Variants in ST6GALNAC3 observed in about 807,000 individuals in gnomAD.
ST6GALNAC3 encodes the protein alpha-N-acetylgalactosaminide alpha-2,6-sialyltransferase 3.
A neutral mutation model predicts 32.7 loss-of-function variants in ST6GALNAC3; 25 were observed. The observed-to-expected ratio is 0.76, with a 90% CI of 0.56 to 1.07. The LOEUF (loss-of-function observed/expected upper bound fraction) is 1.07. Ranked by LOEUF, ST6GALNAC3 falls within the 50% of genes least tolerant of loss-of-function variation. The pLI is 0.00. For synonymous variants in ST6GALNAC3, 129 were observed against 133.1 expected (o/e 0.97, Z 0.21); for missense variants, 355 against 382.4 (o/e 0.93, Z 0.60).
chr1:76,602,338 C>T (rs563376041), intron 3 of ST6GALNAC3, among the ~76,000 whole-genome samples: 1 of 151,874 alleles, frequency 6.6e-6, no homozygotes, highest in South Asian at 2.1e-4. Flanking sequence ...TGTGCGTGTG[C>T]ATGTGCGTGT....
chr1:76,143,175 AG>A (rs1178085440), intron 1 of ST6GALNAC3, among the ~76,000 whole-genome samples: 1 of 152,158 alleles, frequency 6.6e-6, no homozygotes, highest in Admixed American at 6.5e-5. Context: ...TTGGCAGTAA[AG>A]GGTTTAAAAC....
chr1:76,501,849 A>G (rs753864200), intron 3 of ST6GALNAC3, among the ~76,000 whole-genome samples: 14 of 152,238 alleles, frequency 9.2e-5, no homozygotes, highest in Non-Finnish European at 1.5e-4. Flanking sequence ...TCTTAAGACA[A>G]GCAGTCTGGA....
chr1:76,209,589 T>G (rs1176422225), intron 1 of ST6GALNAC3, among the ~76,000 whole-genome samples: 1 of 152,174 alleles, frequency 6.6e-6, no homozygotes, highest in Non-Finnish European at 1.5e-5. Flanking sequence ...GAGGTGGTGG[T>G]ATTTCTCCTC....
intron 1 of ST6GALNAC3, among the ~76,000 whole-genome samples, chr1:76,275,440 C>T (rs992409743): frequency 7.2e-5 from 11 of 152,122 alleles, no homozygotes; most frequent in African/African-American, 2.4e-4. Flanking sequence ...TTAACTTTGG[C>T]CCTTCTTGGA....
intron 3 of ST6GALNAC3, among the ~76,000 whole-genome samples, chr1:76,419,325 T>C (rs1654868209): frequency 6.6e-6 from 1 of 152,154 alleles, no homozygotes; most frequent in African/African-American, 2.4e-5. Context: ...TAGACATGTA[T>C]GCTCAACAGT....
intron 2 of ST6GALNAC3, among the ~76,000 whole-genome samples, chr1:76,331,244 C>G (rs1297257166): frequency 6.6e-6 from 1 of 152,072 alleles, no homozygotes; most frequent in East Asian, 1.9e-4. Context: ...ATTATTTGTT[C>G]ATGAGTAATG....
intron 3 of ST6GALNAC3, among the ~76,000 whole-genome samples, chr1:76,624,641 G>T (rs967050651): frequency 1.3e-5 from 2 of 151,750 alleles, no homozygotes; most frequent in African/African-American, 4.8e-5. Context: ...TCCTAATTAT[G>T]ATTTTTTTTT....
At chr1:76,533,424 TTC>T (rs1663388863) in intron 3 of ST6GALNAC3, among the ~76,000 whole-genome samples, 1 of 152,168 alleles carries the variant, frequency 6.6e-6, no homozygotes, top group Non-Finnish European at 1.5e-5. Flanking sequence ...TTTTGGGTCC[TTC>T]TTTCTGAGGT....
At chr1:76,494,550 AACACACACACACAC>A (rs55892265) in intron 3 of ST6GALNAC3, among the ~76,000 whole-genome samples, 1 of 63,810 alleles carries the variant, frequency 1.6e-5, no homozygotes, top group African/African-American at 5.6e-5. Context: ...CATGTGTATA[AACACACACACACAC>A]ACACACACAC....
intron 1 of ST6GALNAC3, among the ~76,000 whole-genome samples, chr1:76,151,781 ATT>A (rs1651060535): frequency 6.6e-6 from 1 of 152,144 alleles, no homozygotes. Flanking sequence ...TGGGGCATCG[ATT>A]GCTTTGCTGC....
chr1:76,266,055 G>A (rs536517923), intron 1 of ST6GALNAC3, among the ~76,000 whole-genome samples: 28 of 152,300 alleles, frequency 1.8e-4, no homozygotes, highest in South Asian at 1.2e-3. Context: ...AATTTCCTAC[G>A]TTTTTCAGAG....
chr1:76,186,026 A>G lies in ST6GALNAC3; in HGVS notation c.18+111142A>G, dbSNP rs114085430. Among the ~76,000 whole-genome samples the G allele has an allele frequency of 5.7e-3, 874 of 152,288 alleles. 4 individuals carry two copies. The highest frequency in any genetic ancestry group is 9.0e-3 in the Non-Finnish European group (614 of 68,018). ...ATAACAGGGACTTGAGCATCTGCAG[A>G]TTTTTGTAGTTTTGGGAGGTCCTGG... On this transcript the variant is annotated intron_variant, in intron 1 of 4. Transcript: ENST00000328299.
chr1:76,149,562 A>T (rs1268840342), intron 1 of ST6GALNAC3, among the ~76,000 whole-genome samples: 2 of 152,370 alleles, frequency 1.3e-5, no homozygotes, highest in South Asian at 4.1e-4. Context: ...GATTACCACA[A>T]TCAAAGCTAT....
At chr1:76,606,067 C>T (rs1171300531) in intron 3 of ST6GALNAC3, among the ~76,000 whole-genome samples, 2 of 151,964 alleles carry the variant, frequency 1.3e-5, no homozygotes, top group African/African-American at 4.8e-5. Flanking sequence ...CAAGAAACAA[C>T]AGATGCTAGT....
At chr1:76,149,225 G>C (rs1388118346) in intron 1 of ST6GALNAC3, among the ~76,000 whole-genome samples, 1 of 152,188 alleles carries the variant, frequency 6.6e-6, no homozygotes, top group African/African-American at 2.4e-5. Context: ...ATGTTTGTTT[G>C]ATAGACAGAC....
At chr1:76,160,276 T>C (rs918767554) in intron 1 of ST6GALNAC3, among the ~76,000 whole-genome samples, 4 of 152,106 alleles carry the variant, frequency 2.6e-5, no homozygotes, top group Admixed American at 1.3e-4. Flanking sequence ...GCCGTAAGCA[T>C]TGGGGAGCTC....
intron 3 of ST6GALNAC3, among the ~76,000 whole-genome samples, chr1:76,533,326 C>T (rs1418028387): frequency 1.9e-5 from 1 of 52,170 alleles, no homozygotes; most frequent in Admixed American, 1.7e-4. Context: ...TCCATCTGCT[C>T]CTCATTCCCA....
intron 2 of ST6GALNAC3, chr1:76,354,328 A>G (rs186330051): frequency 6.6e-6 from 1 of 152,172 alleles, no homozygotes; most frequent in African/African-American, 2.4e-5. Flanking sequence ...TTATCTTAGT[A>G]TTTGGTATAG....
intron 2 of ST6GALNAC3, among the ~76,000 whole-genome samples, chr1:76,367,971 G>A (rs1370499062): frequency 2.0e-5 from 3 of 152,154 alleles, no homozygotes; most frequent in Non-Finnish European, 4.4e-5. Flanking sequence ...ACAGCAAAGC[G>A]AACCTGTGGT....
Sources: allele counts gnomAD v4.1 joint callset (sites outside exome capture counted in the v4.1 genomes callset), GRCh38; gene constraint gnomAD v4.1.1; transcripts MANE v1.5; gene names NCBI Gene and HGNC (gene_info 2026-07-23, HGNC 2026-07-21).